TRPM3: variants seen among roughly 807,000 people sequenced by gnomAD.
TRPM3 encodes the protein transient receptor potential cation channel subfamily M member 3.
In TRPM3, 77 loss-of-function variants were observed where a neutral mutation model predicts 181.2. That is an observed-to-expected ratio of 0.42 (90% CI 0.35 to 0.51). The LOEUF (loss-of-function observed/expected upper bound fraction) is 0.51, where lower values mean the gene tolerates loss of function less well. Among genes scored for constraint, TRPM3 ranks in the 20% least tolerant of loss-of-function variants. The pLI is 0.01. For missense variants in TRPM3, 1,759 were observed against 2,196.7 expected (o/e 0.80, Z 3.98); for synonymous variants, 745 against 796.4 (o/e 0.94, Z 1.09).
chr9:71,257,267 G>T (rs1246751153), intron 1 of TRPM3, among the ~76,000 whole-genome samples: 1 of 152,166 alleles, frequency 6.6e-6, no homozygotes, highest in African/African-American at 2.4e-5. Flanking sequence ...TTAGATAAAG[G>T]ATAGGGAAGA....
At chr9:71,306,137 G>A (rs944744324) in intron 1 of TRPM3, among the ~76,000 whole-genome samples, 7 of 152,206 alleles carry the variant, frequency 4.6e-5, no homozygotes, top group East Asian at 1.9e-4. Flanking sequence ...GAGAGCACAC[G>A]GCCTTGCTTT....
intron 1 of TRPM3, among the ~76,000 whole-genome samples, chr9:71,205,543 T>C (rs1412544620): frequency 6.6e-6 from 1 of 152,178 alleles, no homozygotes; most frequent in African/African-American, 2.4e-5. Flanking sequence ...CAAACACTTT[T>C]TGAATACAAG....
chr9:71,137,811 A>C (rs925689647), intron 1 of TRPM3, among the ~76,000 whole-genome samples: 4 of 152,188 alleles, frequency 2.6e-5, no homozygotes, highest in Admixed American at 2.6e-4. Flanking sequence ...ATATATGTTA[A>C]GGTAAGTTTT....
intron 6 of TRPM3, chr9:70,793,553 A>T (rs1157094627): frequency 4.3e-6 from 2 of 467,124 alleles, no homozygotes; most frequent in South Asian, 3.1e-5. Context: ...ATATACATAC[A>T]TATATATACC....
intron 1 of TRPM3, among the ~76,000 whole-genome samples, chr9:71,046,147 G>A (rs894364289): frequency 3.3e-5 from 5 of 151,868 alleles, no homozygotes; most frequent in Admixed American, 6.6e-5. Flanking sequence ...CCCCACGCCC[G>A]GCTAATTTTT....
rs544361540 is a variant in TRPM3 at position 70,666,548 on chromosome 9, C to A, written c.1345+14958G>T. Reference sequence around the variant, plus strand: ...GGCCTAGATTGAAAATACATGTCTTCAGAATTTTTAAGGCATTGCAAAGTT... The same window carrying A: ...GGCCTAGATTGAAAATACATGTCTTAAGAATTTTTAAGGCATTGCAAAGTT... On this transcript the variant is annotated intron_variant, in intron 9 of 25. Transcript: ENST00000677713. Among the ~76,000 whole-genome samples, 15 of 152,266 alleles carry A rather than the reference C, an allele frequency of 9.9e-5. No homozygotes were observed. In the South Asian group the frequency reaches 1.7e-3, roughly 17 times the overall value.
intron 1 of TRPM3, among the ~76,000 whole-genome samples, chr9:71,205,892 T>A (rs977091728): frequency 3.3e-5 from 5 of 152,094 alleles, no homozygotes; most frequent in Non-Finnish European, 5.9e-5. Context: ...TCAGCACAAA[T>A]GAAAGTGTGA....
chr9:71,173,114 T>G lies in TRPM3; in HGVS notation c.183+273539A>C, dbSNP rs1046123452. Reference sequence around the variant, plus strand: ...GTCAATGATGCCTTATGTACCTAATTTTTTGTTTTCTTTACAACTAGACTA... The same window carrying G: ...GTCAATGATGCCTTATGTACCTAATGTTTTGTTTTCTTTACAACTAGACTA... On this transcript the variant is annotated intron_variant, in intron 1 of 24. Transcript: ENST00000357533. Among the ~76,000 whole-genome samples, 31 of 152,206 alleles carry G rather than the reference T, an allele frequency of 2.0e-4. 1 individual carries two copies. Among genetic ancestry groups the G allele is most frequent in the Admixed American group, 2.0e-3 (31 of 15,280 alleles).
chr9:71,396,411 A>T (rs1239197553), intron 1 of TRPM3, among the ~76,000 whole-genome samples: 1 of 152,188 alleles, frequency 6.6e-6, no homozygotes, highest in African/African-American at 2.4e-5. Flanking sequence ...AGGTGACACG[A>T]TTTGATCTAA....
intron 1 of TRPM3, among the ~76,000 whole-genome samples, chr9:71,063,402 T>C (rs1216919670): frequency 6.6e-6 from 1 of 152,158 alleles, no homozygotes; most frequent in African/African-American, 2.4e-5. Flanking sequence ...TGGTCCTTGA[T>C]GTTTAGAAAC....
intron 9 of TRPM3, among the ~76,000 whole-genome samples, chr9:70,654,818 A>G (rs2133838023): frequency 6.6e-6 from 1 of 151,278 alleles, no homozygotes; most frequent in Middle Eastern, 3.4e-3. Context: ...GAGTAGCTGG[A>G]ACTATAGGCA....
At chr9:71,005,900 T>C (rs1310798764) in intron 1 of TRPM3, among the ~76,000 whole-genome samples, 1 of 152,190 alleles carries the variant, frequency 6.6e-6, no homozygotes, top group Non-Finnish European at 1.5e-5. Flanking sequence ...AATTATAATA[T>C]GTAAGCCACT....
At chr9:71,005,278 T>C (rs1203907427) in intron 1 of TRPM3, among the ~76,000 whole-genome samples, 2 of 151,996 alleles carry the variant, frequency 1.3e-5, no homozygotes, top group Admixed American at 6.5e-5. Flanking sequence ...TGGTAGGGCA[T>C]GCCTGTAATC....
intron 1 of TRPM3, among the ~76,000 whole-genome samples, chr9:71,330,330 G>A (rs900960200): frequency 6.6e-6 from 1 of 151,892 alleles, no homozygotes; most frequent in Non-Finnish European, 1.5e-5. Context: ...TCAGTTCTGT[G>A]TAGGGCCTGC....
chr9:70,621,057 G>T, intron 15 of TRPM3, among the ~76,000 whole-genome samples, 187 bp downstream of exon 15: 1 of 144,910 alleles, frequency 6.9e-6, no homozygotes, highest in African/African-American at 2.5e-5. Flanking sequence ...ACTATAGTAT[G>T]TAGTATATAT....
chr9:71,430,591 A>G (rs1268382459), intron 1 of TRPM3, among the ~76,000 whole-genome samples: 3 of 152,084 alleles, frequency 2.0e-5, no homozygotes, highest in Admixed American at 2.0e-4. Flanking sequence ...AGGCGGGTGG[A>G]TCACAAGGTC....
At chr9:70,784,007 T>C in intron 7 of TRPM3, 98 bp downstream of exon 7, 1 of 1,499,592 alleles carries the variant, frequency 6.7e-7, no homozygotes, top group South Asian at 1.4e-5. Context: ...TTGTTTTGAT[T>C]TGAGGTCTTG....
At chr9:71,235,062 C>A (rs75903787) in intron 1 of TRPM3, among the ~76,000 whole-genome samples, 3 of 152,212 alleles carry the variant, frequency 2.0e-5, no homozygotes, top group Non-Finnish European at 4.4e-5. Flanking sequence ...CCAACCTATG[C>A]GCCAACCATG....
chr9:70,596,360 C>CACAT (rs1002585706), intron 21 of TRPM3, among the ~76,000 whole-genome samples: 7 of 152,118 alleles, frequency 4.6e-5, no homozygotes, highest in African/African-American at 1.7e-4. Context: ...AGTAGAGATA[C>CACAT]ACATACATAC....
Sources: allele counts gnomAD v4.1 joint callset (sites outside exome capture counted in the v4.1 genomes callset), GRCh38; gene constraint gnomAD v4.1.1; transcripts MANE v1.5; gene names NCBI Gene and HGNC (gene_info 2026-07-23, HGNC 2026-07-21).